Variants in UACA observed in about 807,000 individuals in gnomAD.
UACA encodes the protein nuclear membrane binding protein.
In UACA, 112 loss-of-function variants were observed where a neutral mutation model predicts 160.5. The ratio of observed to expected loss-of-function variants is 0.70; its 90% CI spans 0.60 to 0.82. UACA has a LOEUF of 0.82. Ranked by LOEUF, UACA falls within the 40% of genes least tolerant of loss-of-function variation. The pLI is 0.00. For missense variants in UACA, 1,574 were observed against 1,614.6 expected (o/e 0.97, Z 0.43); for synonymous variants, 557 against 568.4 (o/e 0.98, Z 0.29).
chr15:70,704,768 T>C (rs1898476592), intron 1 of UACA, among the ~76,000 whole-genome samples: 1 of 152,322 alleles, frequency 6.6e-6, no homozygotes, highest in African/African-American at 2.4e-5. Flanking sequence ...GGGTCAGAGT[T>C]ACTCTTAAAA....
In UACA at chr15:70,667,736, A is replaced by C; in HGVS notation, c.2948T>G (p.Val983Gly). 6.2e-7 allele frequency: 1 copy of C among 1,613,984 alleles called. No individual in the cohort carries two copies. The highest frequency in any genetic ancestry group is 1.3e-5 in the African/African-American group (1 of 74,996). The change falls in exon 16 of 19, where the codon GTA (valine) becomes GGA (glycine). Residue 983 changes from valine to glycine, a missense_variant. Physicochemically the swap from Val to Gly is moderately radical, Grantham distance 109. Transcript: ENST00000322954. The part of the protein sequence containing the change: ...ELDTIQECIK[V>G]KYAPIVSFEE... ...AAAGCTGACAATTGGGGCGTATTTTACCTTAATGCATTCTTGTATTGTGTC... is the reference window on the plus strand; with the variant it reads ...AAAGCTGACAATTGGGGCGTATTTTCCCTTAATGCATTCTTGTATTGTGTC...
upstream of UACA, among the ~76,000 whole-genome samples, chr15:70,767,626 T>G (rs1347089252): frequency 6.6e-6 from 1 of 152,146 alleles, no homozygotes; most frequent in African/African-American, 2.4e-5. Flanking sequence ...GTCTAAAATT[T>G]GCACATAAAA....
In UACA at chr15:70,656,422, CT is replaced by C. The variant is rs1053828160; in HGVS notation, c.*633del. On this transcript the variant is annotated 3_prime_UTR_variant, in exon 19 of 19. Coordinates refer to ENST00000322954, the MANE Select transcript of UACA (RefSeq NM_018003.4). ...TATAAATTCCTGATATATTCCACCCCTGCCTGTTCTTAATCTAAATGTAATT... is the reference window on the plus strand; with the variant it reads ...TATAAATTCCTGATATATTCCACCCCGCCTGTTCTTAATCTAAATGTAATT... 4 of 152,086 alleles carry C rather than the reference CT, an allele frequency of 2.6e-5. No homozygotes were observed. The highest frequency in any genetic ancestry group is 9.7e-5 in the African/African-American group (4 of 41,402). 9.4% of individuals were successfully genotyped at this position (152,086 alleles called of 1,614,324 possible).
intron 10 of UACA, 117 bp from the exon 11 acceptor site, chr15:70,678,323 G>A: frequency 5.5e-6 from 3 of 549,440 alleles, no homozygotes; most frequent in Non-Finnish European, 9.5e-6. Context: ...AAAACACTAA[G>A]TACAAAAGAT....
chr15:70,658,063 G>A (rs1471375597), intron 18 of UACA, among the ~76,000 whole-genome samples: 4 of 152,138 alleles, frequency 2.6e-5, no homozygotes, highest in Non-Finnish European at 5.9e-5. Flanking sequence ...ACTCCAGCCT[G>A]GATGGCAGAG....
At chr15:70,712,128 C>T (rs558382195) in intron 1 of UACA, among the ~76,000 whole-genome samples, 63 of 150,506 alleles carry the variant, frequency 4.2e-4, no homozygotes, top group Non-Finnish European at 8.0e-4. Flanking sequence ...ATGTCCCAAA[C>T]CAAAAACATG....
At position 70,667,869 on chromosome 15, in the gene UACA, T is replaced by C. The variant is rs1566964256; in HGVS notation, c.2815A>G (p.Met939Val). The change falls in exon 16 of 19, where the codon ATG becomes GTG. Residue 939 changes from methionine (M) to valine (V), a missense_variant. Coordinates refer to ENST00000322954, the MANE Select transcript of UACA (RefSeq NM_018003.4). ...GCATTACTATCCTGCACCTTTCTCA[T>C]GCTCTGACTTAGCGAGCTCATCTTT... ...EAKMSSLSQS[M>V]RKVQDSNAEI... 1 of 1,614,104 alleles carries C rather than the reference T, an allele frequency of 6.2e-7. No homozygotes were observed. The highest frequency in any genetic ancestry group is 1.7e-4 in the Middle Eastern group (1 of 6,060).
chr15:70,660,358 T>C (rs1288294903), intron 17 of UACA, 142 bp from the exon 18 acceptor site: 11 of 590,866 alleles, frequency 1.9e-5, no homozygotes, highest in Non-Finnish European at 2.7e-5. Context: ...ACCTTGGACC[T>C]ACCAGATGCA....
intron 1 of UACA, among the ~76,000 whole-genome samples, chr15:70,756,054 C>G (rs1250124538): frequency 6.6e-6 from 1 of 152,128 alleles, no homozygotes; most frequent in East Asian, 1.9e-4. Flanking sequence ...ATATCTAGCT[C>G]TTAAAATTCT....
chr15:70,670,540 C>A (rs997817957), intron 15 of UACA, among the ~76,000 whole-genome samples: 7 of 152,058 alleles, frequency 4.6e-5, no homozygotes, highest in Non-Finnish European at 8.8e-5. Context: ...TTCCCTTGGT[C>A]TCTCCCTCTG....
upstream of UACA, among the ~76,000 whole-genome samples, chr15:70,765,067 A>G (rs2141023589): frequency 6.6e-6 from 1 of 152,350 alleles, no homozygotes; most frequent in East Asian, 1.9e-4. Context: ...CTTTGCATTT[A>G]AAGCTGTATA....
intron 1 of UACA, among the ~76,000 whole-genome samples, chr15:70,719,496 A>T (rs942300787): frequency 2.0e-5 from 3 of 152,206 alleles, no homozygotes; most frequent in Non-Finnish European, 4.4e-5. Context: ...TAAAATGCAC[A>T]TCTCAACGAG....
rs934955471 is a variant in UACA at position 70,682,854 on chromosome 15, C to T, written c.785-59G>A. ...GGCAGGTTAACTTGGGGTAGGTACG[C>T]ATTCCCTAACTATACAATTGAGTCA... On this transcript the variant is annotated intron_variant, in intron 8 of 18. Coordinates refer to ENST00000322954, the MANE Select transcript of UACA (RefSeq NM_018003.4). 8 of 1,130,306 alleles carry T rather than the reference C, an allele frequency of 7.1e-6. No homozygotes were observed. In the East Asian group the frequency reaches 1.3e-4, roughly 18 times the overall value. 70.0% of individuals were successfully genotyped at this position (1,130,306 alleles called of 1,614,324 possible).
chr15:70,684,381 C>G lies in UACA; in HGVS notation c.668G>C (p.Gly223Ala). 6.2e-7 allele frequency: 1 copy of G among 1,613,734 alleles called. No individual in the cohort carries two copies. Among genetic ancestry groups the G allele is most frequent in the East Asian group, 2.2e-5 (1 of 44,852 alleles). The part of the protein sequence containing the change: ...RDAVEVLIKN[G>A]ADISLLDALG... ...CGCATCCAGCAAGCTTATATCAGCA[C>G]CATTTTTAATTAAGACTTCTACTGC... Residue 223 changes from glycine (G) to alanine (A), a missense_variant, in exon 8 of 19, where the codon GGT becomes GCT. Gly to Ala is a moderately conservative substitution (Grantham distance 60, BLOSUM62 0). Transcript: ENST00000322954.
chr15:70,749,777 G>C lies in UACA; in HGVS notation c.78+13553C>G, dbSNP rs570695704. ...AAATCTGTGCTTATAAAGATTATTA[G>C]CATAGTAAGTTAAACTTTCAAGGGT... On this transcript the variant is annotated intron_variant, in intron 1 of 18. Coordinates refer to ENST00000322954, the MANE Select transcript of UACA (RefSeq NM_018003.4). 6.8e-4 allele frequency among the ~76,000 whole-genome samples: 103 copies of C among 151,060 alleles called. 1 individual carries two copies. Among genetic ancestry groups the C allele is most frequent in the African/African-American group, 2.4e-3 (99 of 41,088 alleles).
chr15:70,728,068 A>C (rs1899199615), intron 1 of UACA, among the ~76,000 whole-genome samples: 1 of 152,206 alleles, frequency 6.6e-6, no homozygotes, highest in South Asian at 2.1e-4. Flanking sequence ...CCAGAAATAA[A>C]GCCACACTCC....
intron 1 of UACA, among the ~76,000 whole-genome samples, chr15:70,718,553 G>C (rs1206560252): frequency 1.3e-5 from 2 of 152,102 alleles, no homozygotes; most frequent in African/African-American, 2.4e-5. Flanking sequence ...TATCTTACGA[G>C]GCCTGTTCCT....
At position 70,675,115 on chromosome 15, in the gene UACA, G is replaced by C. The variant is rs1270930018; in HGVS notation, c.1131+1378C>G. On this transcript the variant is annotated intron_variant, in intron 13 of 18. Coordinates refer to ENST00000322954, the MANE Select transcript of UACA (RefSeq NM_018003.4). ...GTCCTGACTCTGTCACTTATTATTT[G>C]TGAAACCCCTCATGGGTAAACCTCT... is the stretch of plus-strand genomic sequence containing the variant. Among the ~76,000 whole-genome samples, 4 of 151,958 alleles carry C rather than the reference G, an allele frequency of 2.6e-5. No individual in the cohort carries two copies. The East Asian group carries it at 7.7e-4, about 29-fold the overall frequency.
At chr15:70,710,020 C>T (rs1390227097) in intron 1 of UACA, among the ~76,000 whole-genome samples, 1 of 152,020 alleles carries the variant, frequency 6.6e-6, no homozygotes, top group Non-Finnish European at 1.5e-5. Context: ...TCGCCTATAA[C>T]CCCAGCACTT....
Sources: gnomAD v4.1 joint callset for allele counts (sites outside exome capture counted in the v4.1 genomes callset) on GRCh38, gnomAD v4.1.1 for gene constraint, MANE v1.5 for transcripts, NCBI Gene and HGNC (gene_info 2026-07-23, HGNC 2026-07-21) for gene names.